The following PBX4 variants were observed in gnomAD, a reference collection of about 807,000 sequenced individuals.
PBX4 encodes pre-B-cell leukemia transcription factor 4.
PBX4 carries 26 observed loss-of-function variants against 35.1 expected under a neutral mutation model. The ratio of observed to expected loss-of-function variants is 0.74; its 90% CI spans 0.54 to 1.03. The LOEUF is 1.03. Among genes scored for constraint, PBX4 ranks in the 50% least tolerant of loss-of-function variants. The probability of loss-of-function intolerance (pLI) is 0.00; values close to 1 mark genes in which losing one functional copy is unlikely to be tolerated. For missense variants in PBX4, 448 were observed against 504.3 expected (o/e 0.89, Z 1.07); for synonymous variants, 199 against 204.2 (o/e 0.97, Z 0.22).
At chr19:19,614,412 T>A (rs545444577) in intron 1 of PBX4, among the ~76,000 whole-genome samples, 43 of 151,474 alleles carry the variant, frequency 2.8e-4, no homozygotes, top group Non-Finnish European at 5.7e-4. Context: ...GGCGGGTAGA[T>A]CATCTGAGGT....
At position 19,571,050 on chromosome 19, in the gene PBX4, A is replaced by G. The variant is rs1490241173; in HGVS notation, c.194-217T>C. On this transcript the variant is annotated intron_variant, in intron 2 of 7. Coordinates refer to ENST00000251203, the MANE Select transcript of PBX4 (RefSeq NM_025245.3). ...ATCCTTAGAGCGCAGTCTGGGGAGG[A>G]ACGGGGAGACACAGGTCGCAGTTTG... 2.6e-5 allele frequency among the ~76,000 whole-genome samples: 4 copies of G among 152,198 alleles called. No homozygotes were observed. In the South Asian group the frequency reaches 8.3e-4, roughly 31 times the overall value.
At chr19:19,573,325 AAAT>A (rs1457513316) in intron 2 of PBX4, among the ~76,000 whole-genome samples, 5 of 107,132 alleles carry the variant, frequency 4.7e-5, no homozygotes, top group African/African-American at 1.7e-4. Flanking sequence ...GAAAAAAAAA[AAAT>A]ATACACACAC....
chr19:19,594,782 C>T (rs901460851), intron 2 of PBX4, among the ~76,000 whole-genome samples: 19 of 152,074 alleles, frequency 1.2e-4, no homozygotes, highest in African/African-American at 3.1e-4. Flanking sequence ...AGTGCAGTGG[C>T]GCAATGTCAT....
intron 1 of PBX4, among the ~76,000 whole-genome samples, chr19:19,610,214 G>C (rs940255513): frequency 1.4e-4 from 22 of 152,150 alleles, no homozygotes; most frequent in African/African-American, 5.3e-4. Flanking sequence ...GGGAGTTCGA[G>C]ACCAGCCTGA....
At chr19:19,615,567 C>T (rs182827083) in intron 1 of PBX4, among the ~76,000 whole-genome samples, 5 of 152,172 alleles carry the variant, frequency 3.3e-5, no homozygotes, top group Admixed American at 6.6e-5. Flanking sequence ...TGTAAAGGTC[C>T]GATAAATATC....
At chr19:19,585,537 C>A (rs955185076) in intron 2 of PBX4, among the ~76,000 whole-genome samples, 4 of 152,166 alleles carry the variant, frequency 2.6e-5, no homozygotes, top group African/African-American at 9.7e-5. Context: ...CCAGTCACAA[C>A]TGAAGTGTGT....
chr19:19,586,082 T>G (rs2061487131), intron 2 of PBX4, among the ~76,000 whole-genome samples: 1 of 152,220 alleles, frequency 6.6e-6, no homozygotes, highest in Non-Finnish European at 1.5e-5. Flanking sequence ...AACTAGTATG[T>G]GATTTTTAAA....
At chr19:19,568,120 TCCCTCAGGGAGCTCACACTCCATCTGTAA>T (rs2061355350) in intron 5 of PBX4, among the ~76,000 whole-genome samples, 3 of 133,118 alleles carry the variant, frequency 2.3e-5, no homozygotes, top group East Asian at 2.4e-4. Context: ...TCCATCTGTA[TCCCTCAGGGAGCTCACACTCCATCTGTAA>T]CCCTCAGGGA....
rs189295584 is a variant in PBX4 at position 19,570,940 on chromosome 19, C to G, written c.194-107G>C. 9.8e-6 allele frequency: 14 copies of G among 1,423,844 alleles called. No homozygotes were observed. The African/African-American group carries it at 1.4e-4, about 14-fold the overall frequency. The allele number at this position is 1,423,844 out of a possible 1,614,324, so 88.2% of individuals were successfully genotyped here. On this transcript the variant is annotated intron_variant, in intron 2 of 7. Transcript: ENST00000251203. ...ATGTCTGAAGATTTTTGCATAGAAC[C>G]CTTCGGGAGAAAGGAATACTCCACT...
At chr19:19,613,043 G>C (rs2061670950) in intron 1 of PBX4, among the ~76,000 whole-genome samples, 1 of 151,846 alleles carries the variant, frequency 6.6e-6, no homozygotes, top group Non-Finnish European at 1.5e-5. Context: ...GGCTGGTCTC[G>C]AAGTCCTGAG....
intron 2 of PBX4, among the ~76,000 whole-genome samples, chr19:19,574,852 C>T (rs998281124): frequency 3.9e-5 from 6 of 151,918 alleles, no homozygotes; most frequent in African/African-American, 1.2e-4. Flanking sequence ...TTGATTACAA[C>T]GTTTGTATTT....
chr19:19,608,781 C>A (rs1454645790), intron 1 of PBX4: 1 of 152,502 alleles, frequency 6.6e-6, no homozygotes, highest in African/African-American at 2.4e-5. Flanking sequence ...TGTCCCCCGC[C>A]TGACTTCACC....
Position 19,599,051 on chromosome 19 carries a change from C to T in PBX4, c.193+241G>A, listed in dbSNP as rs542512452. 4.6e-5 allele frequency among the ~76,000 whole-genome samples: 7 copies of T among 152,058 alleles called. No individual in the cohort carries two copies. The South Asian group carries it at 1.5e-3, about 32-fold the overall frequency. Reference sequence around the variant, plus strand: ...TGGCGCGATCTTGGCTCACCGCAACCTCCACCTCCCAGGTTCAAGCGATTC... The same window carrying T: ...TGGCGCGATCTTGGCTCACCGCAACTTCCACCTCCCAGGTTCAAGCGATTC... On this transcript the variant is annotated intron_variant, in intron 2 of 7. Coordinates refer to ENST00000251203, the MANE Select transcript of PBX4 (RefSeq NM_025245.3).
intron 5 of PBX4, 23 bp downstream of exon 5, chr19:19,569,426 G>C: frequency 1.2e-6 from 2 of 1,601,834 alleles, no homozygotes; most frequent in Non-Finnish European, 1.7e-6. Flanking sequence ...GGCGTGGCGA[G>C]ACGTGGCAGG....
At chr19:19,598,276 CTT>C (rs938427667) in intron 2 of PBX4, among the ~76,000 whole-genome samples, 2 of 148,208 alleles carry the variant, frequency 1.3e-5, no homozygotes, top group African/African-American at 5.0e-5. Flanking sequence ...ATTTTTTCAA[CTT>C]TTCTTTTTCT....
chr19:19,568,751 C>T lies in PBX4; in HGVS notation c.768+698G>A, dbSNP rs150536132. Among the ~76,000 whole-genome samples the T allele has an allele frequency of 3.3e-3, 501 of 151,792 alleles. 12 individuals are homozygous for T. The highest frequency in any genetic ancestry group is 8.0e-4 in the Non-Finnish European group (54 of 67,902). ...TGTATCCCTCAGGGAGCTCACACTC[C>T]ATCTGTATCCCTCAGGGAGCTCATA... is the stretch of plus-strand genomic sequence containing the variant. On this transcript the variant is annotated intron_variant, in intron 5 of 7. Transcript: ENST00000251203.
chr19:19,597,284 C>T (rs921906008), intron 2 of PBX4, among the ~76,000 whole-genome samples: 14 of 152,270 alleles, frequency 9.2e-5, no homozygotes, highest in Admixed American at 4.6e-4. Flanking sequence ...AGCATTTAGG[C>T]GAAACTTAAA....
At chr19:19,587,828 G>T (rs1056735317) in intron 2 of PBX4, among the ~76,000 whole-genome samples, 2 of 151,560 alleles carry the variant, frequency 1.3e-5, no homozygotes, top group Admixed American at 1.3e-4. Context: ...TTTGCTTCTC[G>T]AATTCAAGAA....
Position 19,618,525 on chromosome 19 carries a change from G to A in PBX4, c.105C>T (p.Asp35=), listed in dbSNP as rs751709419. ...GCGGGCAGCACCTGGCCTGTGCCTCGTCCAGGCTCTGGTCGGTGATGGCCA... is the reference window on the plus strand; with the variant it reads ...GCGGGCAGCACCTGGCCTGTGCCTCATCCAGGCTCTGGTCGGTGATGGCCA... ...QIMAITDQSL[D]EAQARKHALN... Residue 35 remains aspartate (D), a synonymous_variant, in exon 1 of 8, where the codon GAC becomes GAT. Transcript: ENST00000251203. The A allele has an allele frequency of 7.4e-6, 11 of 1,480,424 alleles. No homozygotes were observed. The highest frequency in any genetic ancestry group is 2.8e-5 in the East Asian group (1 of 36,220). The allele number at this position is 1,480,424 out of a possible 1,614,324, so 91.7% of individuals were successfully genotyped here.
Sources: gnomAD v4.1 joint callset for allele counts (sites outside exome capture counted in the v4.1 genomes callset) on GRCh38, gnomAD v4.1.1 for gene constraint, MANE v1.5 for transcripts, NCBI Gene and HGNC (gene_info 2026-07-23, HGNC 2026-07-21) for gene names.